The following USP6NL variants were observed in gnomAD, a reference collection of about 807,000 sequenced individuals.
The protein encoded by USP6NL is USP6 N-terminal like, also known as USP6 N-terminal-like protein.
A neutral mutation model predicts 61.9 loss-of-function variants in USP6NL; 26 were observed. The ratio of observed to expected loss-of-function variants is 0.42; its 90% CI spans 0.31 to 0.58. USP6NL has a LOEUF of 0.58. Among genes scored for constraint, USP6NL ranks in the 20% least tolerant of loss-of-function variants. USP6NL has a pLI of 0.16. For missense variants in USP6NL, 1,114 were observed against 1,034.3 expected (o/e 1.08, Z -1.06); for synonymous variants, 432 against 390.1 (o/e 1.11, Z -1.27).
chr10:11,554,758 A>G (rs1027978195), intron 2 of USP6NL, among the ~76,000 whole-genome samples: 17 of 151,310 alleles, frequency 1.1e-4, no homozygotes, highest in African/African-American at 3.1e-4. Context: ...AAGAAAAAAA[A>G]AAAGAAAAAA....
intron 2 of USP6NL, among the ~76,000 whole-genome samples, chr10:11,558,006 T>C (rs934720271): frequency 6.6e-6 from 1 of 152,274 alleles, no homozygotes; most frequent in Non-Finnish European, 1.5e-5. Context: ...AGTATGACTG[T>C]CAGGCAGCAT....
intron 2 of USP6NL, among the ~76,000 whole-genome samples, chr10:11,584,278 C>A (rs1159639426): frequency 6.6e-6 from 1 of 152,230 alleles, no homozygotes; most frequent in Non-Finnish European, 1.5e-5. Flanking sequence ...CGTAACATCA[C>A]ATTTAAGATA....
intron 10 of USP6NL, among the ~76,000 whole-genome samples, 172 bp downstream of exon 10, chr10:11,488,930 A>T (rs1275473525): frequency 3.3e-5 from 5 of 152,282 alleles, no homozygotes; most frequent in Non-Finnish European, 5.9e-5. Flanking sequence ...ATGTTTTAGA[A>T]AAGTTCAATA....
rs1490720160 is a variant in USP6NL at position 11,485,170 on chromosome 10, C to T, written c.824G>A (p.Arg275His). 10 of 1,540,324 alleles carry T rather than the reference C, an allele frequency of 6.5e-6. No homozygotes were observed. The highest frequency in any genetic ancestry group is 4.2e-5 in the African/African-American group (3 of 72,252). Residue 275 changes from arginine (R) to histidine (H), a missense_variant and splice_region_variant, in exon 12 of 15, where the codon CGT becomes CAT. By Grantham distance (29) the Arg-to-His change is conservative. Transcript: ENST00000609104. This position sits in a 1 kb window ranked among gnomAD's most constrained non-coding sequence, Gnocchi z 4.8. ...MKWFFQCFLD[R>H]TPFTLNLRIW... Reference sequence around the variant, plus strand: ...TGAGTTTTGTAAATAAATACTTACACGATCAAGGAAACACTGAAAAAACCA... The same window carrying T: ...TGAGTTTTGTAAATAAATACTTACATGATCAAGGAAACACTGAAAAAACCA...
At chr10:11,542,054 C>T (rs1297871254) in intron 2 of USP6NL, among the ~76,000 whole-genome samples, 1 of 152,110 alleles carries the variant, frequency 6.6e-6, no homozygotes, top group Non-Finnish European at 1.5e-5. Flanking sequence ...TCTATGGATA[C>T]CTGAAAGTTC....
At chr10:11,546,756 C>T (rs960684233) in intron 2 of USP6NL, among the ~76,000 whole-genome samples, 2 of 152,190 alleles carry the variant, frequency 1.3e-5, no homozygotes, top group Non-Finnish European at 2.9e-5. Context: ...ATCTAGAAAT[C>T]AGAAGCTTAA....
At chr10:11,594,355 A>G (rs952784149) in intron 2 of USP6NL, among the ~76,000 whole-genome samples, 1 of 152,236 alleles carries the variant, frequency 6.6e-6, no homozygotes, top group Non-Finnish European at 1.5e-5. Context: ...GAAAGGGTGA[A>G]TACTGCCTGT....
chr10:11,545,018 G>A (rs2133467403), intron 2 of USP6NL, among the ~76,000 whole-genome samples: 1 of 152,312 alleles, frequency 6.6e-6, no homozygotes, highest in African/African-American at 2.4e-5. Flanking sequence ...GTCCTGGGGA[G>A]ATTAAATCTA....
Position 11,463,968 on chromosome 10 carries a change from A to C in USP6NL, c.1079-119T>G. 1 of 940,442 alleles carries C rather than the reference A, an allele frequency of 1.1e-6. No individual in the cohort carries two copies. The highest frequency in any genetic ancestry group is 1.6e-6 in the Non-Finnish European group (1 of 639,982). The allele number at this position is 940,442 out of a possible 1,614,324, so 58.3% of individuals were successfully genotyped here. On this transcript the variant is annotated intron_variant, in intron 14 of 14. Transcript: ENST00000609104. This position sits in a 1 kb window ranked among gnomAD's most constrained non-coding sequence, Gnocchi z 6.3. ...TGTGCACAGATACACGCTGACATAC[A>C]ACACACTGTCATACAACACACTGTT...
chr10:11,501,851 A>C (rs1167199582), intron 6 of USP6NL, among the ~76,000 whole-genome samples: 2 of 152,052 alleles, frequency 1.3e-5, no homozygotes, highest in African/African-American at 4.8e-5. Context: ...CTATTTCTTC[A>C]GGAAAACTTT....
chr10:11,522,672 T>C (rs1441971884), intron 4 of USP6NL, among the ~76,000 whole-genome samples: 1 of 152,232 alleles, frequency 6.6e-6, no homozygotes, highest in Admixed American at 6.5e-5. Context: ...ACCAATCTAC[T>C]TTATTTTTTA....
chr10:11,572,038 G>A (rs988214097), intron 2 of USP6NL, among the ~76,000 whole-genome samples: 2 of 151,260 alleles, frequency 1.3e-5, no homozygotes, highest in African/African-American at 2.4e-5. Context: ...GATGTTTCCT[G>A]TAATATATGA....
At chr10:11,609,461 T>TA (rs11464901) in intron 1 of USP6NL, among the ~76,000 whole-genome samples, 68,688 of 151,922 alleles carry the variant, frequency 0.45, 16,040 homozygotes, top group Middle Eastern at 0.54. Context: ...TAAGAATGGT[T>TA]AAAAAAAATC....
chr10:11,595,257 C>A lies in USP6NL; in HGVS notation c.4+2374G>T, dbSNP rs771898268. 2.0e-5 allele frequency among the ~76,000 whole-genome samples: 3 copies of A among 152,156 alleles called. No individual in the cohort carries two copies. The highest frequency in any genetic ancestry group is 4.4e-5 in the Non-Finnish European group (3 of 68,022). ...ACAGGAACATAAAGGGTGAGGCACA[C>A]TGAAGGCACAAGGTCAGCTGGACTC... On this transcript the variant is annotated intron_variant, in intron 2 of 14. Coordinates refer to ENST00000609104, the MANE Select transcript of USP6NL (RefSeq NM_014688.5). The surrounding 1 kb of genome is among the most constrained non-coding windows in gnomAD (Gnocchi z 5.3).
chr10:11,596,380 G>T lies in USP6NL; in HGVS notation c.4+1251C>A, dbSNP rs1244907453. ...CTCACGCCTGTAATCCCAGCATTTT[G>T]GGAGGCTGAGGCGGGCGGATCACAA... is the stretch of plus-strand genomic sequence containing the variant. On this transcript the variant is annotated intron_variant, in intron 2 of 14. Transcript: ENST00000609104. The surrounding 1 kb of genome is among the most constrained non-coding windows in gnomAD (Gnocchi z 4.1). Among the ~76,000 whole-genome samples, 2 of 152,156 alleles carry T rather than the reference G, an allele frequency of 1.3e-5. No homozygotes were observed. Among genetic ancestry groups the T allele is most frequent in the Non-Finnish European group, 2.9e-5 (2 of 68,018 alleles).
chr10:11,462,600 G>A lies in USP6NL; in HGVS notation c.2328C>T (p.Gly776=), dbSNP rs780264454. Residue 776 remains glycine, a synonymous_variant, in exon 15 of 15, where the codon GGC becomes GGT. Transcript: ENST00000609104. ...GACTATCTACAGAAACTGCAGGGAGGCCATGGTCCTGAAAGGGTGCGAGTT... is the reference window on the plus strand; with the variant it reads ...GACTATCTACAGAAACTGCAGGGAGACCATGGTCCTGAAAGGGTGCGAGTT... ...AFQLAPFQDH[G]LPAVSVDSPV... 6.2e-7 allele frequency: 1 copy of A among 1,613,988 alleles called. No homozygotes were observed. The highest frequency in any genetic ancestry group is 8.5e-7 in the Non-Finnish European group (1 of 1,179,886).
chr10:11,509,052 T>C (rs745762135), intron 6 of USP6NL, among the ~76,000 whole-genome samples: 11 of 152,336 alleles, frequency 7.2e-5, no homozygotes, highest in South Asian at 2.1e-4. Context: ...TATTAATATA[T>C]GTATGTATTT....
At chr10:11,503,697 T>C (rs2133318037) in intron 6 of USP6NL, among the ~76,000 whole-genome samples, 1 of 152,182 alleles carries the variant, frequency 6.6e-6, no homozygotes, top group Non-Finnish European at 1.5e-5. Context: ...TAAGAAACTA[T>C]TTAGTTAATC....
intron 2 of USP6NL, among the ~76,000 whole-genome samples, chr10:11,580,176 T>C (rs1837703901): frequency 6.6e-6 from 1 of 152,212 alleles, no homozygotes; most frequent in Non-Finnish European, 1.5e-5. Context: ...GACCTTGTCC[T>C]GAGTAACATC....
Sources: gnomAD v4.1 joint callset for allele counts (sites outside exome capture counted in the v4.1 genomes callset) on GRCh38, gnomAD v4.1.1 for gene constraint, Gnocchi (gnomAD v3.1) non-coding constraint, MANE v1.5 for transcripts, NCBI Gene and HGNC (gene_info 2026-07-23, HGNC 2026-07-21) for gene names.